Variants in MOGAT2 observed in about 807,000 individuals in gnomAD.
The protein encoded by MOGAT2 is 2-acylglycerol O-acyltransferase 2.
Under a neutral mutation model 31.5 loss-of-function variants are expected in MOGAT2, and 27 were observed. The ratio of observed to expected loss-of-function variants is 0.86; its 90% CI spans 0.63 to 1.18. MOGAT2 has a LOEUF of 1.18. MOGAT2 is among the 50% of genes most tolerant of loss of function. The probability of loss-of-function intolerance (pLI) is 0.00; values close to 1 mark genes in which losing one functional copy is unlikely to be tolerated. For missense variants in MOGAT2, 436 were observed against 433.2 expected, an observed-to-expected ratio of 1.01 and a Z score of -0.06; for synonymous variants, 163 against 170.0, an observed-to-expected ratio of 0.96 and a Z score of 0.32.
At chr11:75,718,981 TCACA>T (rs57949402) in intron 1 of MOGAT2, among the ~76,000 whole-genome samples, 1 of 150,094 alleles carries the variant, frequency 6.7e-6, no homozygotes, top group South Asian at 2.1e-4. Flanking sequence ...TCTCTCTCTC[TCACA>T]CACACACACA....
intron 5 of MOGAT2, 121 bp from the exon 6 acceptor site, chr11:75,731,011 C>A: frequency 4.6e-6 from 3 of 651,024 alleles, no homozygotes; most frequent in Admixed American, 3.4e-5. Flanking sequence ...TCTTAAAATT[C>A]ATTAGGGTTG....
chr11:75,718,004 G>A (rs370134941), intron 1 of MOGAT2, 25 bp downstream of exon 1: 83 of 1,607,976 alleles, frequency 5.2e-5, no homozygotes, highest in Admixed American at 1.8e-4. Flanking sequence ...ACTGTAAGAC[G>A]GGAGACCACC....
intron 2 of MOGAT2, among the ~76,000 whole-genome samples, chr11:75,724,534 C>T (rs1050496144): frequency 2.0e-5 from 3 of 151,914 alleles, no homozygotes; most frequent in East Asian, 1.9e-4. Flanking sequence ...GCTCGGTGGG[C>T]GCTTGTCATC....
chr11:75,720,167 C>A lies in MOGAT2; in HGVS notation c.267C>A (p.Ile89=). 6.2e-7 allele frequency: 1 copy of A among 1,611,788 alleles called. No individual in the cohort carries two copies. Among genetic ancestry groups the A allele is most frequent in the South Asian group, 1.1e-5 (1 of 90,766 alleles). ...IWKYMKDYFP[I]SLVKTAELDP... ...AGTACATGAAGGACTATTTCCCCAT[C>A]TCGGTGAGTATTGAGGCTGGTTGGG... Residue 89 remains isoleucine (I), a synonymous_variant, in exon 2 of 6, where the codon ATC becomes ATA. Coordinates refer to ENST00000198801, the MANE Select transcript of MOGAT2 (RefSeq NM_025098.4).
intron 2 of MOGAT2, among the ~76,000 whole-genome samples, chr11:75,727,055 G>A (rs905397045): frequency 2.6e-5 from 4 of 152,134 alleles, no homozygotes; most frequent in African/African-American, 9.7e-5. Context: ...GCCTTTTGGT[G>A]TCTTCATGTT....
chr11:75,727,838 TG>T, intron 3 of MOGAT2, 131 bp from the exon 4 acceptor site: 2 of 1,071,456 alleles, frequency 1.9e-6, no homozygotes. Flanking sequence ...AGCTCCTAGC[TG>T]GAATGGGGTG....
At chr11:75,722,251 C>T (rs745884651) in intron 2 of MOGAT2, among the ~76,000 whole-genome samples, 39 of 152,082 alleles carry the variant, frequency 2.6e-4, no homozygotes, top group Admixed American at 1.2e-3. Flanking sequence ...AGGACCTCTG[C>T]ACTTTGAGAT....
At chr11:75,725,269 C>A (rs893672547) in intron 2 of MOGAT2, among the ~76,000 whole-genome samples, 1 of 152,064 alleles carries the variant, frequency 6.6e-6, no homozygotes, top group African/African-American at 2.4e-5. Flanking sequence ...AGAACCACCA[C>A]CAGGCCAGGC....
chr11:75,727,666 C>T (rs1944433946), intron 3 of MOGAT2, 27 bp downstream of exon 3: 2 of 1,592,124 alleles, frequency 1.3e-6, no homozygotes, highest in African/African-American at 2.7e-5. Context: ...CTGAGCAGCT[C>T]AGGAAGGTAA....
chr11:75,723,398 C>A lies in MOGAT2; in HGVS notation c.270+3228C>A, dbSNP rs112043376. ...CATTTTGACTATGTCCTAAGCTGGG[C>A]CTGTGGGGTGGGGCTGTGGCCTGTA... On this transcript the variant is annotated intron_variant, in intron 2 of 5. Transcript: ENST00000198801. Among the ~76,000 whole-genome samples the A allele has an allele frequency of 2.6e-3, 390 of 152,270 alleles. No homozygotes were observed. In the East Asian group the frequency reaches 0.031, roughly 12 times the overall value.
chr11:75,726,861 G>C (rs370614796), intron 2 of MOGAT2, among the ~76,000 whole-genome samples: 1 of 152,042 alleles, frequency 6.6e-6, no homozygotes, highest in Admixed American at 6.6e-5. Context: ...ACCACGCCCA[G>C]CTAATTTTTG....
chr11:75,728,790 G>A lies in MOGAT2; in HGVS notation c.651G>A (p.Gly217=), dbSNP rs752899904. The A allele has an allele frequency of 1.1e-5, 17 of 1,613,668 alleles. No individual in the cohort carries two copies. Among genetic ancestry groups the A allele is most frequent in the African/African-American group, 1.3e-5 (1 of 74,896 alleles). Residue 217 remains glycine (G), a splice_region_variant and synonymous_variant, in exon 5 of 6, where the codon GGG becomes GGA. Coordinates refer to ENST00000198801, the MANE Select transcript of MOGAT2 (RefSeq NM_025098.4). ...CCCTCTTTCCTCTATTTGTCTCCAG[G>A]GCACCCCTGGTGCCAATCTTCTCCT... ...KGFVRLALTH[G]APLVPIFSFG... is the part of the protein sequence containing the mutation.
At position 75,728,023 on chromosome 11, in the gene MOGAT2, G is replaced by C. The variant is rs751939739; in HGVS notation, c.529G>C (p.Gly177Arg). 1 of 1,613,866 alleles carries C rather than the reference G, an allele frequency of 6.2e-7. No homozygotes were observed. Among genetic ancestry groups the C allele is most frequent in the African/African-American group, 1.3e-5 (1 of 74,912 alleles). Residue 177 changes from glycine to arginine, a missense_variant, in exon 4 of 6, where the codon GGC (glycine) becomes CGC (arginine). Gly to Arg is a moderately radical substitution (Grantham distance 125). Transcript: ENST00000198801. ...SAAHILNRKG[G>R]GNLLGIIVGG... is the part of the protein sequence containing the mutation. ...TGCTCACATTCTGAACAGGAAGGGT[G>C]GCGGAAACTTGCTGGGCATCATTGT...
chr11:75,720,015 A>G lies in MOGAT2; in HGVS notation c.115A>G (p.Ile39Val), dbSNP rs1318983292. ...ALAEICTVGF[I>V]ALLFTRFWLL... ...AGCCGAGATCTGCACTGTGGGCTTC[A>G]TAGCCCTCCTGTTTACAAGATTCTG... Residue 39 changes from isoleucine to valine, a missense_variant, in exon 2 of 6, where the codon ATA (isoleucine) becomes GTA (valine). Ile to Val is a conservative substitution (Grantham distance 29). Transcript: ENST00000198801. 1.2e-6 allele frequency: 2 copies of G among 1,614,006 alleles called. No homozygotes were observed. Among genetic ancestry groups the G allele is most frequent in the Admixed American group, 3.3e-5 (2 of 60,022 alleles).
At chr11:75,729,740 C>CTTTTTTTTT (rs543037592) in intron 5 of MOGAT2, among the ~76,000 whole-genome samples, 3 of 121,400 alleles carry the variant, frequency 2.5e-5, no homozygotes, top group Admixed American at 9.2e-5. Flanking sequence ...GGGTTTAATT[C>CTTTTTTTTT]TTTTTTTTTT....
chr11:75,729,427 A>G lies in MOGAT2; in HGVS notation c.850+438A>G, dbSNP rs1291728615. On this transcript the variant is annotated intron_variant, in intron 5 of 5. Transcript: ENST00000198801. Reference sequence around the variant, plus strand: ...GTAGCTGGGACTACAGTCGCTCGCCACAACACTCAGCTAATTTTTGTATTT... The same window carrying G: ...GTAGCTGGGACTACAGTCGCTCGCCGCAACACTCAGCTAATTTTTGTATTT... 2.6e-5 allele frequency among the ~76,000 whole-genome samples: 4 copies of G among 152,240 alleles called. No homozygotes were observed. The East Asian group carries it at 7.8e-4, about 30-fold the overall frequency.
chr11:75,719,646 A>G (rs1467791087), intron 1 of MOGAT2: 2 of 240,442 alleles, frequency 8.3e-6, no homozygotes, highest in Non-Finnish European at 1.6e-5. Flanking sequence ...AGTTGTCCCC[A>G]TTGATTGAGC....
rs764031531 is a variant in MOGAT2 at position 75,717,962 on chromosome 11, TCTC to T, written c.77_79del (p.Ser26del). ...ACACTTGCTGTCCTACAGTTTGTCT[TCTC>T]CTTCTTGGCACTGGGTAAGTTGGGC... On this transcript the variant is annotated inframe_deletion, in exon 1 of 6. Transcript: ENST00000198801. The T allele has an allele frequency of 3.1e-6, 5 of 1,614,052 alleles. No homozygotes were observed. Among genetic ancestry groups the T allele is most frequent in the South Asian group, 1.1e-5 (1 of 91,084 alleles).
chr11:75,720,238 A>G (rs926028740), intron 2 of MOGAT2, 68 bp downstream of exon 2: 13 of 1,533,760 alleles, frequency 8.5e-6, no homozygotes, highest in African/African-American at 2.7e-5. Context: ...CAGAGTGCCG[A>G]CGTCTCCATG....
Sources: allele counts gnomAD v4.1 joint callset (sites outside exome capture counted in the v4.1 genomes callset), GRCh38; gene constraint gnomAD v4.1.1; transcripts MANE v1.5; gene names NCBI Gene and HGNC (gene_info 2026-07-23, HGNC 2026-07-21).